IL23R: variants seen among roughly 807,000 people sequenced by gnomAD.
IL23R encodes interleukin 23 receptor, also known as interleukin-23 receptor.
Under a neutral mutation model 56.9 loss-of-function variants are expected in IL23R, and 34 were observed. That is an observed-to-expected ratio of 0.60 (90% CI 0.45 to 0.80). The LOEUF (loss-of-function observed/expected upper bound fraction) is 0.80, where lower values mean the gene tolerates loss of function less well. IL23R is among the 30% of genes least tolerant of loss of function. IL23R has a pLI of 0.00. For missense variants in IL23R, 635 were observed against 730.0 expected (o/e 0.87, Z 1.50); for synonymous variants, 230 against 249.2 (o/e 0.92, Z 0.73).
intron 4 of IL23R, among the ~76,000 whole-genome samples, chr1:67,188,620 T>C (rs1324211768): frequency 2.0e-5 from 3 of 152,218 alleles, no homozygotes; most frequent in East Asian, 1.9e-4. Flanking sequence ...CAGGTGACTA[T>C]GACAAAGCAC....
At chr1:67,258,238 G>C (rs1243986839) in intron 10 of IL23R, among the ~76,000 whole-genome samples, 1 of 152,094 alleles carries the variant, frequency 6.6e-6, no homozygotes, top group Non-Finnish European at 1.5e-5. Context: ...ATGTGCTTAA[G>C]AAGTGGATTA....
chr1:67,226,271 G>A (rs962729335), intron 7 of IL23R, among the ~76,000 whole-genome samples: 3 of 152,180 alleles, frequency 2.0e-5, no homozygotes, highest in Non-Finnish European at 4.4e-5. Flanking sequence ...CCAGCTCAGT[G>A]CCCTCTTGGT....
At chr1:67,171,064 G>A (rs187412476) in intron 3 of IL23R, among the ~76,000 whole-genome samples, 1 of 152,300 alleles carries the variant, frequency 6.6e-6, no homozygotes, top group East Asian at 1.9e-4. Flanking sequence ...CTTATCTGAT[G>A]TAAGAAATCT....
At position 67,222,098 on chromosome 1, in the gene IL23R, C is replaced by CT. The variant is rs1558251147; in HGVS notation, c.955+2371dup. Among the ~76,000 whole-genome samples, 20 of 89,782 alleles carry CT rather than the reference C, an allele frequency of 2.2e-4. 1 individual carries two copies. The highest frequency in any genetic ancestry group is 6.5e-4 in the African/African-American group (14 of 21,574). 58.9% of individuals were successfully genotyped at this position (89,782 alleles called of 152,430 possible). On this transcript the variant is annotated intron_variant, in intron 7 of 10. Transcript: ENST00000347310. ...GGAATCCTTTTCTCTTTCTTTCTTTCTTTCTTTTTTTTTTTTTTTTTTTTT... is the reference window on the plus strand; with the variant it reads ...GGAATCCTTTTCTCTTTCTTTCTTTCTTTTCTTTTTTTTTTTTTTTTTTTTT...
intron 7 of IL23R, among the ~76,000 whole-genome samples, chr1:67,234,064 G>A (rs1020407705): frequency 1.3e-5 from 2 of 151,854 alleles, no homozygotes; most frequent in Non-Finnish European, 2.9e-5. Flanking sequence ...GATGGGATTA[G>A]GGATGGTTCT....
rs547068232 is a variant in IL23R, at chr1:67,251,280, G to A, written c.1149-4557G>A. Among the ~76,000 whole-genome samples, 14 of 151,970 alleles carry A rather than the reference G, an allele frequency of 9.2e-5. No homozygotes were observed. In the East Asian group the frequency reaches 1.2e-3, roughly 13 times the overall value. On this transcript the variant is annotated intron_variant, in intron 9 of 10. Coordinates refer to ENST00000347310, the MANE Select transcript of IL23R (RefSeq NM_144701.3). ...ATCCTGGCTAACACGGTGAAACCCC[G>A]TCTCTACTAAAAATACAACAAATTA...
chr1:67,264,852 G>A (rs989013932), downstream of IL23R, among the ~76,000 whole-genome samples: 2 of 152,116 alleles, frequency 1.3e-5, no homozygotes, highest in African/African-American at 4.8e-5. Flanking sequence ...CTCATAATTA[G>A]CATTTAGCAA....
chr1:67,150,231 A>G (rs1646715653), intron 1 of IL23R, among the ~76,000 whole-genome samples: 1 of 148,260 alleles, frequency 6.7e-6, no homozygotes, highest in Admixed American at 6.8e-5. Flanking sequence ...TCTTATCTAG[A>G]TAACAGGCAT....
chr1:67,197,113 C>CA (rs780335321), intron 4 of IL23R, among the ~76,000 whole-genome samples: 63 of 152,200 alleles, frequency 4.1e-4, no homozygotes, highest in Admixed American at 9.2e-4. Flanking sequence ...TGAGTGAACT[C>CA]AGAGAGTAGG....
intron 4 of IL23R, among the ~76,000 whole-genome samples, chr1:67,199,742 G>A (rs1396413825): frequency 6.6e-6 from 1 of 151,746 alleles, no homozygotes; most frequent in Non-Finnish European, 1.5e-5. Flanking sequence ...GGTCCATGAA[G>A]GCAGAAGTGT....
At chr1:67,157,390 T>G (rs1646778528) in intron 1 of IL23R, among the ~76,000 whole-genome samples, 1 of 152,254 alleles carries the variant, frequency 6.6e-6, no homozygotes, top group Admixed American at 6.5e-5. Flanking sequence ...CTAGTTACTT[T>G]TGCCAGAATC....
At chr1:67,215,087 C>T (rs1407322396) in intron 6 of IL23R, among the ~76,000 whole-genome samples, 1 of 152,050 alleles carries the variant, frequency 6.6e-6, no homozygotes, top group African/African-American at 2.4e-5. Context: ...TGTTGTGAGC[C>T]CTTTAAAAGG....
At chr1:67,209,936 A>G (rs951188469) in intron 6 of IL23R, among the ~76,000 whole-genome samples, 2 of 152,226 alleles carry the variant, frequency 1.3e-5, no homozygotes, top group Admixed American at 1.3e-4. Flanking sequence ...GGTGAAATTT[A>G]TATCAGTGAT....
chr1:67,222,112 T>C (rs989730690), intron 7 of IL23R, among the ~76,000 whole-genome samples: 1 of 118,012 alleles, frequency 8.5e-6, no homozygotes, highest in African/African-American at 3.4e-5. Context: ...CTTTTTTTTT[T>C]TTTTTTTTTT....
At chr1:67,147,190 AGAGT>A (rs1558215001) in intron 1 of IL23R, among the ~76,000 whole-genome samples, 1 of 152,142 alleles carries the variant, frequency 6.6e-6, no homozygotes, top group African/African-American at 2.4e-5. Flanking sequence ...GTTGCAAGCA[AGAGT>A]GAGTGCTGGT....
intron 2 of IL23R, among the ~76,000 whole-genome samples, chr1:67,168,699 A>G (rs1336395557): frequency 6.6e-6 from 1 of 152,248 alleles, no homozygotes; most frequent in East Asian, 1.9e-4. Context: ...TTCAGATTCT[A>G]CAGTGCCTAG....
intron 1 of IL23R, among the ~76,000 whole-genome samples, chr1:67,141,053 G>A (rs9724915): frequency 6.6e-6 from 1 of 152,028 alleles, no homozygotes; most frequent in Non-Finnish European, 1.5e-5. Context: ...TGATGCAGCT[G>A]TTACAAGAGG....
chr1:67,256,585 C>A (rs1478519233), intron 10 of IL23R, among the ~76,000 whole-genome samples: 1 of 152,128 alleles, frequency 6.6e-6, no homozygotes, highest in Non-Finnish European at 1.5e-5. Context: ...GTCCAAGGGA[C>A]AAACACATCA....
chr1:67,237,475 C>T (rs557727284), intron 8 of IL23R, among the ~76,000 whole-genome samples: 7 of 152,280 alleles, frequency 4.6e-5, no homozygotes, highest in African/African-American at 9.6e-5. Context: ...ATAAGTGTTA[C>T]GCATCTATTT....
Sources: gnomAD v4.1 joint callset for allele counts (sites outside exome capture counted in the v4.1 genomes callset) on GRCh38, gnomAD v4.1.1 for gene constraint, MANE v1.5 for transcripts, NCBI Gene and HGNC (gene_info 2026-07-23, HGNC 2026-07-21) for gene names.